The following MIB1 variants were observed in gnomAD, a reference collection of about 807,000 sequenced individuals.
MIB1 encodes the protein E3 ubiquitin-protein ligase MIB1.
In MIB1, 278 loss-of-function variants were observed where a neutral mutation model predicts 124.5. That is an observed-to-expected ratio of 2.23 (90% CI 2.02 to 2.47). The LOEUF (loss-of-function observed/expected upper bound fraction) is 2.47, where lower values mean the gene tolerates loss of function less well. MIB1 is among the 30% of genes most tolerant of loss of function. The pLI is 0.00. For synonymous variants in MIB1, 446 were observed against 429.4 expected, an observed-to-expected ratio of 1.04 and a Z score of -0.48; for missense variants, 957 against 1,254.4, an observed-to-expected ratio of 0.76 and a Z score of 3.58.
At position 21,858,608 on chromosome 18, in the gene MIB1, C is replaced by T; in HGVS notation, c.2842C>T (p.Gln948Ter). 6.2e-7 allele frequency: 1 copy of T among 1,601,820 alleles called. No individual in the cohort carries two copies. Among genetic ancestry groups the T allele is most frequent in the Non-Finnish European group, 8.6e-7 (1 of 1,169,330 alleles). Residue 948 changes from glutamine to a stop codon, truncating the protein, a stop_gained, in exon 20 of 21, where the codon CAA becomes TAA. Coordinates refer to ENST00000261537, the MANE Select transcript of MIB1 (RefSeq NM_020774.4). LOFTEE classifies it high-confidence loss of function. Reference sequence around the variant, plus strand: ...TAATACCAATGTCAATGCAGATGTGCAAAAGTTGCAGCAACAGTTACAAGA... The same window carrying T: ...TAATACCAATGTCAATGCAGATGTGTAAAAGTTGCAGCAACAGTTACAAGA... ...KDNTNVNADV[Q>*]KLQQQLQDIK...
intron 1 of MIB1, among the ~76,000 whole-genome samples, chr18:21,732,399 AAG>A (rs1034624877): frequency 4.9e-5 from 6 of 121,932 alleles, no homozygotes; most frequent in Non-Finnish European, 3.9e-5. Context: ...CACACAGAGC[AAG>A]AGAGAGAGAG....
At chr18:21,727,871 G>A (rs2040749764) in intron 1 of MIB1, among the ~76,000 whole-genome samples, 1 of 152,160 alleles carries the variant, frequency 6.6e-6, no homozygotes, top group East Asian at 1.9e-4. Context: ...AATGAATTCT[G>A]CAAGCAATCA....
At chr18:21,786,131 C>CT in intron 6 of MIB1, among the ~76,000 whole-genome samples, 1 of 151,966 alleles carries the variant, frequency 6.6e-6, no homozygotes, top group East Asian at 1.9e-4. Flanking sequence ...GAGTCTCTCT[C>CT]TGTCACCCAG....
intron 7 of MIB1, among the ~76,000 whole-genome samples, chr18:21,797,492 AAAAG>A (rs1235233668): frequency 1.3e-5 from 2 of 152,188 alleles, no homozygotes; most frequent in East Asian, 3.9e-4. Flanking sequence ...GTTTTCAAAA[AAAAG>A]GTGATAGTTG....
intron 1 of MIB1, among the ~76,000 whole-genome samples, chr18:21,735,124 C>G (rs1053822785): frequency 1.3e-5 from 2 of 152,218 alleles, no homozygotes; most frequent in Non-Finnish European, 2.9e-5. Context: ...CAGCTCCCGT[C>G]TGCAGCTCCC....
At chr18:21,717,648 C>G (rs2040695327) in intron 1 of MIB1, among the ~76,000 whole-genome samples, 1 of 152,086 alleles carries the variant, frequency 6.6e-6, no homozygotes, top group Admixed American at 6.6e-5. Flanking sequence ...TGAAAAAATC[C>G]TCAACATCAC....
chr18:21,721,299 G>A (rs1325801259), intron 1 of MIB1, among the ~76,000 whole-genome samples: 1 of 145,854 alleles, frequency 6.9e-6, no homozygotes, highest in Non-Finnish European at 1.5e-5. Flanking sequence ...TCCTGCCTCA[G>A]CCTCCTAAGT....
intron 14 of MIB1, among the ~76,000 whole-genome samples, chr18:21,843,586 C>G (rs538648673): frequency 3.3e-5 from 5 of 152,128 alleles, no homozygotes; most frequent in Admixed American, 2.6e-4. Flanking sequence ...AAACACTGTT[C>G]GTATTTATTG....
chr18:21,731,152 T>G (rs543885119), intron 1 of MIB1, among the ~76,000 whole-genome samples: 1 of 152,224 alleles, frequency 6.6e-6, no homozygotes, highest in Non-Finnish European at 1.5e-5. Flanking sequence ...TCCTTCTGAA[T>G]TGTACGTACC....
chr18:21,845,484 TAA>T (rs1257278422), intron 15 of MIB1, among the ~76,000 whole-genome samples: 1 of 152,232 alleles, frequency 6.6e-6, no homozygotes, highest in Non-Finnish European at 1.5e-5. Context: ...TAGAAGTTTA[TAA>T]AGTTTTAGCT....
chr18:21,799,592 A>G (rs1386860971), intron 8 of MIB1, among the ~76,000 whole-genome samples: 1 of 152,058 alleles, frequency 6.6e-6, no homozygotes, highest in African/African-American at 2.4e-5. Context: ...TTATTAGTAT[A>G]TAATGCACTA....
At chr18:21,850,312 A>G (rs947593637) in intron 17 of MIB1, among the ~76,000 whole-genome samples, 3 of 152,092 alleles carry the variant, frequency 2.0e-5, no homozygotes, top group Non-Finnish European at 4.4e-5. Context: ...ACCAAAGAGC[A>G]TGTTGGTTTT....
At chr18:21,863,016 G>T (rs976490917) in intron 20 of MIB1, among the ~76,000 whole-genome samples, 1 of 152,176 alleles carries the variant, frequency 6.6e-6, no homozygotes, top group African/African-American at 2.4e-5. Flanking sequence ...TCCTTGCTCT[G>T]TCGCCCAGGC....
At chr18:21,763,348 C>G (rs2041120418) in intron 1 of MIB1, among the ~76,000 whole-genome samples, 1 of 152,098 alleles carries the variant, frequency 6.6e-6, no homozygotes, top group Non-Finnish European at 1.5e-5. Context: ...TAGCGTAACT[C>G]TATAATTTAT....
At chr18:21,835,840 A>ACACACACACACACACAC (rs1555695330) in intron 12 of MIB1, among the ~76,000 whole-genome samples, 10 of 108,056 alleles carry the variant, frequency 9.3e-5, no homozygotes, top group African/African-American at 2.1e-4. Context: ...CACACACACA[A>ACACACACACACACACAC]ACACACACGA....
chr18:21,860,098 C>CTTTTTTTTTTTTTTTTTTTTTTT (rs398032096), intron 20 of MIB1, among the ~76,000 whole-genome samples: 1 of 26,460 alleles, frequency 3.8e-5, no homozygotes, highest in African/African-American at 1.2e-4. Flanking sequence ...TTCTTTATGT[C>CTTTTTTTTTTTTTTTTTTTTTTT]TTTTTTTTTT....
intron 13 of MIB1, 64 bp from the exon 14 acceptor site, chr18:21,843,065 TTA>T: frequency 8.8e-7 from 1 of 1,131,450 alleles, no homozygotes; most frequent in Non-Finnish European, 1.3e-6. Context: ...TTATGAGTAG[TTA>T]TAGTTTTCAT....
At chr18:21,760,532 A>G (rs747183839) in intron 1 of MIB1, among the ~76,000 whole-genome samples, 1 of 152,204 alleles carries the variant, frequency 6.6e-6, no homozygotes, top group African/African-American at 2.4e-5. Flanking sequence ...GAACCAAGAA[A>G]GCATTTGGAT....
intron 12 of MIB1, among the ~76,000 whole-genome samples, chr18:21,823,199 A>C (rs997474806): frequency 2.0e-5 from 3 of 148,654 alleles, no homozygotes; most frequent in Non-Finnish European, 3.0e-5. Context: ...GCACCACTGC[A>C]CTCTAGTCTG....
Sources: allele counts gnomAD v4.1 joint callset (sites outside exome capture counted in the v4.1 genomes callset), GRCh38; gene constraint gnomAD v4.1.1; transcripts MANE v1.5; gene names NCBI Gene and HGNC (gene_info 2026-07-23, HGNC 2026-07-21).